The following GPR101 variants were observed in gnomAD, a reference collection of about 807,000 sequenced individuals.
GPR101 encodes the protein probable G protein-coupled receptor 101.
In GPR101, 8 loss-of-function variants were observed where a neutral mutation model predicts 16.4. That is an observed-to-expected ratio of 0.49 (90% CI 0.29 to 0.88). The LOEUF is 0.88. GPR101 is among the 40% of genes least tolerant of loss of function. The probability of loss-of-function intolerance (pLI) is 0.09; values close to 1 mark genes in which losing one functional copy is unlikely to be tolerated. For synonymous variants in GPR101, 155 were observed against 168.7 expected (o/e 0.92, Z 0.63); for missense variants, 375 against 411.7 (o/e 0.91, Z 0.77).
chrX:137,031,611 A>G lies in GPR101; in HGVS notation c.64T>C (p.Ser22Pro). 2 of 1,207,210 alleles carry G rather than the reference A, an allele frequency of 1.7e-6. No homozygotes were observed. The highest frequency in any genetic ancestry group is 2.2e-6 in the Non-Finnish European group (2 of 893,498). Reference protein sequence around the residue: ...SNSSHTCMPLSKMPISLAHGI... With the variant: ...SNSSHTCMPLPKMPISLAHGI... ...TGGGCCAGGCTGATGGGCATTTTGG[A>G]GAGGGGCATGCACGTGTGGCTGCTG... Residue 22 changes from serine to proline, a missense_variant, in exon 2 of 2, where the codon TCC becomes CCC. By Grantham distance (74) the Ser-to-Pro change is moderately conservative. Transcript: ENST00000651716.
At position 137,030,424 on chromosome X, in the gene GPR101, A is replaced by C; in HGVS notation, c.1251T>G (p.Phe417Leu). The C allele has an allele frequency of 8.3e-7, 1 of 1,211,594 alleles. No individual in the cohort carries two copies. Among genetic ancestry groups the C allele is most frequent in the South Asian group, 1.8e-5 (1 of 56,914 alleles). ...SYVLSLGPYC[F>L]LAVLAVWVDV... Reference sequence around the variant, plus strand: ...CCACCCACACGGCCAGGACTGCTAAAAAGCAGTAGGGCCCCAGGGATAGCA... The same window carrying C: ...CCACCCACACGGCCAGGACTGCTAACAAGCAGTAGGGCCCCAGGGATAGCA... Residue 417 changes from phenylalanine (F) to leucine (L), a missense_variant, in exon 2 of 2, where the codon TTT becomes TTG. Phe to Leu is a conservative substitution (Grantham distance 22). Transcript: ENST00000651716.
rs766985500 is a variant in GPR101 at position 137,031,142 on chromosome X, C to T, written c.533G>A (p.Arg178His). Residue 178 changes from arginine to histidine, a missense_variant, in exon 2 of 2, where the codon CGC (arginine) becomes CAC (histidine). By Grantham distance (29) the Arg-to-His change is conservative. Transcript: ENST00000651716. Reference sequence around the variant, plus strand: ...CCAGATCATGGAGCAGAGAGCATTGCGCTCATCAAAGGCAGCCTGGCCCCA... The same window carrying T: ...CCAGATCATGGAGCAGAGAGCATTGTGCTCATCAAAGGCAGCCTGGCCCCA... Reference protein sequence around the residue: ...YGWGQAAFDERNALCSMIWGA... With the variant: ...YGWGQAAFDEHNALCSMIWGA... 6.6e-6 allele frequency: 8 copies of T among 1,211,554 alleles called. No individual in the cohort carries two copies. The highest frequency in any genetic ancestry group is 5.2e-5 in the African/African-American group (3 of 57,879).
At position 137,031,481 on chromosome X, in the gene GPR101, A is replaced by T; in HGVS notation, c.194T>A (p.Val65Glu). Residue 65 changes from valine (V) to glutamate (E), a missense_variant, in exon 2 of 2, where the codon GTG becomes GAG. By Grantham distance (121) the Val-to-Glu change is moderately radical. Transcript: ENST00000651716. ...VLQRKPQLLQ[V>E]TNRFIFNLLV... is the part of the protein sequence containing the mutation. ...GAGGTTAAAGATAAAACGGTTGGTC[A>T]CCTGCAGCAGCTGCGGCTTGCGCTG... is the stretch of plus-strand genomic sequence containing the variant. 1 of 1,200,607 alleles carries T rather than the reference A, an allele frequency of 8.3e-7. No homozygotes were observed. Among genetic ancestry groups the T allele is most frequent in the Non-Finnish European group, 1.1e-6 (1 of 890,475 alleles).
At position 137,031,758 on chromosome X, in the gene GPR101, G is replaced by C. The variant is rs923275338; in HGVS notation, c.-84C>G. 5.1e-6 allele frequency: 4 copies of C among 777,237 alleles called. No homozygotes were observed. The South Asian group carries it at 1.2e-4, about 23-fold the overall frequency. 64.1% of individuals were successfully genotyped at this position (777,237 alleles called of 1,213,427 possible). On this transcript the variant is annotated 5_prime_UTR_variant, in exon 2 of 2. Coordinates refer to ENST00000651716, the MANE Select transcript of GPR101 (RefSeq NM_054021.2). ...CAAAGGGGTGCACAGACCGCACTCA[G>C]TGCCTATGCTGGTGACAAAAGAAAC...
rs1259506971 is a variant in GPR101 at position 137,030,261 on chromosome X, ACTT to A, written c.1411_1413del (p.Lys471del). 8.3e-7 allele frequency: 1 copy of A among 1,211,290 alleles called. No individual in the cohort carries two copies. The highest frequency in any genetic ancestry group is 1.1e-6 in the Non-Finnish European group (1 of 895,305). On this transcript the variant is annotated inframe_deletion, in exon 2 of 2. Transcript: ENST00000651716. ...TTCGGGGGCTTTTCCTTGCAGAAGAACTTCTTCAGCATGTCCTGGATTTCCTTC... is the reference window on the plus strand; with the variant it reads ...TTCGGGGGCTTTTCCTTGCAGAAGAACTTCAGCATGTCCTGGATTTCCTTC...
chrX:137,031,483 C>T lies in GPR101; in HGVS notation c.192G>A (p.Gln64=). The change falls in exon 2 of 2, where the codon CAG becomes CAA. Residue 64 remains glutamine (Q), a synonymous_variant. Transcript: ENST00000651716. ...GGTTAAAGATAAAACGGTTGGTCAC[C>T]TGCAGCAGCTGCGGCTTGCGCTGCA... ...LVLQRKPQLL[Q]VTNRFIFNLL... is the part of the protein sequence containing the mutation. 5 of 1,201,500 alleles carry T rather than the reference C, an allele frequency of 4.2e-6. No homozygotes were observed. Among genetic ancestry groups the T allele is most frequent in the Non-Finnish European group, 5.6e-6 (5 of 890,764 alleles).
Position 137,030,403 on chromosome X carries a change from C to G in GPR101, c.1272G>C (p.Trp424Cys). The stretch of plus-strand genomic sequence containing the variant: ...GGGGTACCTGGGTTTCGACATCCAC[C>G]CACACGGCCAGGACTGCTAAAAAGC... ...PYCFLAVLAV[W>C]VDVETQVPQW... The change falls in exon 2 of 2, where the codon TGG becomes TGC. Residue 424 changes from tryptophan (W) to cysteine (C), a missense_variant. By Grantham distance (215) the Trp-to-Cys change is radical. Coordinates refer to ENST00000651716, the MANE Select transcript of GPR101 (RefSeq NM_054021.2). 2.5e-6 allele frequency: 3 copies of G among 1,210,545 alleles called. No homozygotes were observed. The highest frequency in any genetic ancestry group is 3.4e-6 in the Non-Finnish European group (3 of 895,065).
rs916811779 is a variant in GPR101, at chrX:137,026,070, G to T, written c.*4078C>A. Among the ~76,000 whole-genome samples the T allele has an allele frequency of 3.6e-5, 4 of 112,040 alleles. No individual in the cohort carries two copies. The highest frequency in any genetic ancestry group is 7.5e-5 in the Non-Finnish European group (4 of 53,234). On this transcript the variant is annotated 3_prime_UTR_variant, in exon 2 of 2. Coordinates refer to ENST00000651716, the MANE Select transcript of GPR101 (RefSeq NM_054021.2). ...AGAGGAAGAGATAAGGAGGGAGAGG[G>T]TTAAAAGCCATTGAGTGGCCAGATT... is the stretch of plus-strand genomic sequence containing the variant.
Position 137,030,143 on chromosome X carries a change from T to G in GPR101, c.*5A>C, listed in dbSNP as rs753186283. 8.6e-7 allele frequency: 1 copy of G among 1,166,879 alleles called. No individual in the cohort carries two copies. The highest frequency in any genetic ancestry group is 3.0e-5 in the East Asian group (1 of 33,543). On this transcript the variant is annotated 3_prime_UTR_variant, in exon 2 of 2. Coordinates refer to ENST00000651716, the MANE Select transcript of GPR101 (RefSeq NM_054021.2). ...GACAGTTCAAGGTTTGCCTTAGAAC[T>G]AACTTCAAGGAAAAGTAGCAGAATC...
chrX:137,030,376 C>G lies in GPR101; in HGVS notation c.1299G>C (p.Gln433His). The change falls in exon 2 of 2, where the codon CAG becomes CAC. Residue 433 changes from glutamine to histidine, a missense_variant. By Grantham distance (24) the Gln-to-His change is conservative. Coordinates refer to ENST00000651716, the MANE Select transcript of GPR101 (RefSeq NM_054021.2). Reference protein sequence around the residue: ...VWVDVETQVPQWVITIIIWLF... With the variant: ...VWVDVETQVPHWVITIIIWLF... ...GCCAGATGATTATGGTGATCACCCACTGGGGTACCTGGGTTTCGACATCCA... is the reference window on the plus strand; with the variant it reads ...GCCAGATGATTATGGTGATCACCCAGTGGGGTACCTGGGTTTCGACATCCA... 5.0e-6 allele frequency: 6 copies of G among 1,209,350 alleles called. No individual in the cohort carries two copies. Among genetic ancestry groups the G allele is most frequent in the Non-Finnish European group, 6.7e-6 (6 of 894,343 alleles).
At chrX:137,032,434 C>T (rs1182189994) in intron 1 of GPR101, among the ~76,000 whole-genome samples, 2 of 111,238 alleles carry the variant, frequency 1.8e-5, no homozygotes, top group African/African-American at 6.6e-5. Context: ...TCCATTCTGT[C>T]TCTCTGTGTC....
In GPR101 at chrX:137,026,016, G is replaced by A. The variant is rs775073892; in HGVS notation, c.*4132C>T. Among the ~76,000 whole-genome samples, 7 of 112,216 alleles carry A rather than the reference G, an allele frequency of 6.2e-5. No homozygotes were observed. Among genetic ancestry groups the A allele is most frequent in the African/African-American group, 1.9e-4 (6 of 30,877 alleles). ...TAGCTTAGAGGGGCTTTGAGGGGCC[G>A]AGAGCACTAGTCCAGCCCATGGAAA... On this transcript the variant is annotated 3_prime_UTR_variant, in exon 2 of 2. Coordinates refer to ENST00000651716, the MANE Select transcript of GPR101 (RefSeq NM_054021.2).
In GPR101 at chrX:137,028,372, T is replaced by C. The variant is rs991943459; in HGVS notation, c.*1776A>G. Among the ~76,000 whole-genome samples, 1 of 111,677 alleles carries C rather than the reference T, an allele frequency of 9.0e-6. No individual in the cohort carries two copies. Among genetic ancestry groups the C allele is most frequent in the African/African-American group, 3.3e-5 (1 of 30,706 alleles). ...ACATTGCTGTTTACCCCTTGAGAAG[T>C]TCATGTTGAAATCTGTGAGGAGGAA... On this transcript the variant is annotated 3_prime_UTR_variant, in exon 2 of 2. Transcript: ENST00000651716.
At chrX:137,033,395 A>AGACAGAGAGAATGTGAGC (rs1386404565) in intron 1 of GPR101, among the ~76,000 whole-genome samples, 1 of 109,614 alleles carries the variant, frequency 9.1e-6, no homozygotes, top group Non-Finnish European at 1.9e-5. Context: ...ACATACAGAG[A>AGACAGAGAGAATGTGAGC]GACAGAGAGA....
Position 137,030,799 on chromosome X carries a change from C to T in GPR101, c.876G>A (p.Gly292=), listed in dbSNP as rs1569454123. ...TGGCCTCTACACTACTCTCACTGGT[C>T]CCCGTGCTTCCTTCCTTGGCCTTCA... The part of the protein sequence containing the change: ...GSLKAKEGST[G]TSESSVEARG... The change falls in exon 2 of 2, where the codon GGG becomes GGA. Residue 292 remains glycine (G), a synonymous_variant. Transcript: ENST00000651716. 2 of 1,211,583 alleles carry T rather than the reference C, an allele frequency of 1.7e-6. No homozygotes were observed. The highest frequency in any genetic ancestry group is 3.0e-5 in the East Asian group (1 of 33,831).
rs768235317 is a variant in GPR101, at chrX:137,030,451, A to G, written c.1224T>C (p.Tyr408=). 27 of 1,211,535 alleles carry G rather than the reference A, an allele frequency of 2.2e-5. No homozygotes were observed. Among genetic ancestry groups the G allele is most frequent in the Non-Finnish European group, 3.0e-5 (27 of 895,454 alleles). Residue 408 remains tyrosine (Y), a synonymous_variant, in exon 2 of 2, where the codon TAT becomes TAC. Transcript: ENST00000651716. The stretch of plus-strand genomic sequence containing the variant: ...AGCAGTAGGGCCCCAGGGATAGCAC[A>G]TAGGAGAAAATGATGATGAAGATCA... ...AKVIFIIIFS[Y]VLSLGPYCFL...
In GPR101 at chrX:137,026,841, T is replaced by C. The variant is rs1056690172; in HGVS notation, c.*3307A>G. ...TTTCATTGCTCCTATGGCTCACTTC[T>C]CTCCTTCCCTGCTTCCATAGGCCCC... On this transcript the variant is annotated 3_prime_UTR_variant, in exon 2 of 2. Transcript: ENST00000651716. Among the ~76,000 whole-genome samples the C allele has an allele frequency of 4.5e-5, 5 of 111,061 alleles. No homozygotes were observed. The highest frequency in any genetic ancestry group is 1.6e-4 in the African/African-American group (5 of 30,454).
In GPR101 at chrX:137,031,175, A is replaced by C. The variant is rs1338823567; in HGVS notation, c.500T>G (p.Leu167Arg). The change falls in exon 2 of 2, where the codon CTC becomes CGC. Residue 167 changes from leucine to arginine, a missense_variant. Leu to Arg is a moderately radical substitution (Grantham distance 102). Transcript: ENST00000651716. ...AAAGGCAGCCTGGCCCCAGCCGTAG[A>C]GTGGAGGAGTGCTCTGCAGGATGGC... is the stretch of plus-strand genomic sequence containing the variant. ...IVAILQSTPP[L>R]YGWGQAAFDE... The C allele has an allele frequency of 8.3e-7, 1 of 1,211,786 alleles. No individual in the cohort carries two copies. The highest frequency in any genetic ancestry group is 1.1e-6 in the Non-Finnish European group (1 of 895,422).
Position 137,030,185 on chromosome X carries a change from T to G in GPR101, c.1490A>C (p.Lys497Thr). 8.4e-7 allele frequency: 1 copy of G among 1,195,521 alleles called. No individual in the cohort carries two copies. Among genetic ancestry groups the G allele is most frequent in the Non-Finnish European group, 1.1e-6 (1 of 888,324 alleles). Residue 497 changes from lysine (K) to threonine (T), a missense_variant, in exon 2 of 2, where the codon AAG (lysine) becomes ACG (threonine). Coordinates refer to ENST00000651716, the MANE Select transcript of GPR101 (RefSeq NM_054021.2). ...LPGTEGGTEGKIVPSYDSATF... is the reference protein window; with the variant it reads ...LPGTEGGTEGTIVPSYDSATF... ...AGCAGAATCGTAGGAAGGGACAATC[T>G]TGCCTTCAGTCCCACCCTCTGTTCC...
Sources: gnomAD v4.1 joint callset for allele counts (sites outside exome capture counted in the v4.1 genomes callset) on GRCh38, gnomAD v4.1.1 for gene constraint, MANE v1.5 for transcripts, NCBI Gene and HGNC (gene_info 2026-07-23, HGNC 2026-07-21) for gene names.